The following DMC1 variants were observed in gnomAD, a reference collection of about 807,000 sequenced individuals.
DMC1 encodes meiotic recombination protein DMC1 homolog.
A neutral mutation model predicts 50.1 loss-of-function variants in DMC1; 27 were observed. The ratio of observed to expected loss-of-function variants is 0.54; its 90% CI spans 0.40 to 0.74. The LOEUF is 0.74. DMC1 is among the 30% of genes least tolerant of loss of function. The probability of loss-of-function intolerance (pLI) is 0.00; values close to 1 mark genes in which losing one functional copy is unlikely to be tolerated. For missense variants in DMC1, 295 were observed against 420.2 expected (o/e 0.70, Z 2.60); for synonymous variants, 148 against 136.1 (o/e 1.09, Z -0.61).
intron 8 of DMC1, among the ~76,000 whole-genome samples, chr22:38,544,318 T>C (rs1435078611): frequency 6.6e-6 from 1 of 152,222 alleles, no homozygotes; most frequent in Non-Finnish European, 1.5e-5. Flanking sequence ...CTCTGCTCAC[T>C]GAGATAGATG....
At chr22:38,532,968 AG>A in intron 12 of DMC1, among the ~76,000 whole-genome samples, 1 of 152,310 alleles carries the variant, frequency 6.6e-6, no homozygotes, top group East Asian at 1.9e-4. Flanking sequence ...GTTACATAGT[AG>A]ATTTTCAATA....
chr22:38,560,825 T>C (rs1175802350), intron 5 of DMC1, among the ~76,000 whole-genome samples: 2 of 152,252 alleles, frequency 1.3e-5, no homozygotes, highest in East Asian at 3.9e-4. Context: ...GGGTAAATCT[T>C]TTTTCATATA....
intron 8 of DMC1, among the ~76,000 whole-genome samples, chr22:38,541,489 G>A (rs1379599637): frequency 6.6e-6 from 1 of 152,020 alleles, no homozygotes; most frequent in African/African-American, 2.4e-5. Flanking sequence ...ACAAGGTTTC[G>A]CCATGTTGGC....
At chr22:38,562,796 T>TAC (rs904637985) in intron 4 of DMC1, among the ~76,000 whole-genome samples, 1 of 151,868 alleles carries the variant, frequency 6.6e-6, no homozygotes, top group Non-Finnish European at 1.5e-5. Context: ...TATACATATA[T>TAC]ACACATATAC....
chr22:38,532,636 T>C (rs1235846987), intron 12 of DMC1, among the ~76,000 whole-genome samples: 1 of 151,556 alleles, frequency 6.6e-6, no homozygotes, highest in Admixed American at 6.6e-5. Context: ...TTTTTTTTTT[T>C]TGAGACAGGT....
intron 12 of DMC1, among the ~76,000 whole-genome samples, chr22:38,536,217 TAA>T (rs201225574): frequency 6.9e-6 from 1 of 143,954 alleles, no homozygotes; most frequent in African/African-American, 2.5e-5. Flanking sequence ...CCTTGTCTCT[TAA>T]AAAAAAAAAA....
Position 38,566,713 on chromosome 22 carries a change from C to G in DMC1, c.120G>C (p.Leu40=). Residue 40 remains leucine (L), a synonymous_variant, in exon 4 of 14, where the codon CTG becomes CTC. Transcript: ENST00000216024. The part of the protein sequence containing the change: ...HGINVADIKK[L]KSVGICTIKG... ...TGATGGTACAGATTCCTACTGATTT[C>G]AGTTTCTTAATGTCAGCCACGTTCT... The G allele has an allele frequency of 1.2e-6, 2 of 1,614,012 alleles. No individual in the cohort carries two copies. The highest frequency in any genetic ancestry group is 1.7e-5 in the Admixed American group (1 of 60,006).
Position 38,519,728 on chromosome 22 carries a change from C to G in DMC1, c.*292G>C, listed in dbSNP as rs1033433162. The G allele has an allele frequency of 5.3e-6, 2 of 376,730 alleles. No individual in the cohort carries two copies. The highest frequency in any genetic ancestry group is 1.0e-5 in the Non-Finnish European group (2 of 196,330). 23.3% of individuals were successfully genotyped at this position (376,730 alleles called of 1,614,324 possible). A position where few individuals can be genotyped will look rare whatever the true frequency, so the allele number is the denominator to read the frequency against. On this transcript the variant is annotated 3_prime_UTR_variant, in exon 14 of 14. Transcript: ENST00000216024. ...TTTTCCATAGGTATATATACATACACAGAGTGAGAGAATTTCAATAGGTAT... is the reference window on the plus strand; with the variant it reads ...TTTTCCATAGGTATATATACATACAGAGAGTGAGAGAATTTCAATAGGTAT...
intron 9 of DMC1, 144 bp downstream of exon 9, chr22:38,539,175 CAG>C (rs1331103170): frequency 1.1e-4 from 72 of 634,886 alleles, no homozygotes; most frequent in Non-Finnish European, 1.7e-4. Flanking sequence ...AAGGACTTAC[CAG>C]ATGATAAAAT....
chr22:38,560,097 A>G (rs1032847967), intron 5 of DMC1, among the ~76,000 whole-genome samples: 2 of 152,150 alleles, frequency 1.3e-5, no homozygotes, highest in Non-Finnish European at 2.9e-5. Flanking sequence ...ATTAAATGGT[A>G]TGGATAAAAA....
At chr22:38,548,481 G>T (rs187020147) in intron 8 of DMC1, among the ~76,000 whole-genome samples, 1 of 152,288 alleles carries the variant, frequency 6.6e-6, no homozygotes, top group African/African-American at 2.4e-5. Flanking sequence ...AGGCTGAAGT[G>T]GGAGGATCAC....
downstream of DMC1, among the ~76,000 whole-genome samples, chr22:38,518,723 G>A (rs140184939): frequency 0.01 from 1,562 of 152,000 alleles, 30 homozygotes; most frequent in African/African-American, 0.037. Context: ...GTAGAGACGG[G>A]GTTTTGCCAT....
At chr22:38,524,448 T>TAAAAC (rs1220245829) in intron 12 of DMC1, among the ~76,000 whole-genome samples, 1 of 151,758 alleles carries the variant, frequency 6.6e-6, no homozygotes, top group East Asian at 1.9e-4. Context: ...TAAAATAAAA[T>TAAAAC]AAAACTAATA....
At chr22:38,569,840 C>T (rs1382568026) in intron 1 of DMC1, among the ~76,000 whole-genome samples, 1 of 152,140 alleles carries the variant, frequency 6.6e-6, no homozygotes, top group African/African-American at 2.4e-5. Flanking sequence ...ATGAGGCGGG[C>T]TCTCCTAGAC....
At chr22:38,513,083 CA>C in the DMC1 span, among the ~76,000 whole-genome samples, 4,334 of 114,008 alleles carry the variant, frequency 0.038, 176 homozygotes, top group African/African-American at 0.12. Flanking sequence ...GAGTCTGTCT[CA>C]AAAAAAAAAA....
chr22:38,568,178 T>C, intron 2 of DMC1, 28 bp downstream of exon 2: 1 of 1,604,730 alleles, frequency 6.2e-7, no homozygotes, highest in East Asian at 2.2e-5. Flanking sequence ...ATCGAATGTC[T>C]ATATATCTTT....
chr22:38,562,266 A>T, intron 5 of DMC1, 21 bp downstream of exon 5: 2 of 1,509,908 alleles, frequency 1.3e-6, no homozygotes, highest in Non-Finnish European at 1.8e-6. Context: ...CTTAGTGATT[A>T]TAAAAAAGTA....
the DMC1 span, among the ~76,000 whole-genome samples, chr22:38,513,226 T>C: frequency 0.95 from 145,294 of 152,296 alleles, 69,433 homozygotes; most frequent in Admixed American, 0.98. Context: ...TGGTCAGGCC[T>C]CTGCCACTGC....
At chr22:38,533,251 C>T (rs569013586) in intron 12 of DMC1, among the ~76,000 whole-genome samples, 15 of 151,706 alleles carry the variant, frequency 9.9e-5, no homozygotes, top group East Asian at 3.9e-4. Context: ...CAAAATTAGC[C>T]GGGTGTGGTG....
Sources: gnomAD v4.1 joint callset for allele counts (sites outside exome capture counted in the v4.1 genomes callset) on GRCh38, gnomAD v4.1.1 for gene constraint, MANE v1.5 for transcripts, NCBI Gene and HGNC (gene_info 2026-07-23, HGNC 2026-07-21) for gene names.